Variants in STOX2 observed in about 807,000 individuals in gnomAD.
STOX2 encodes storkhead-box protein 2.
In STOX2, 28 loss-of-function variants were observed where a neutral mutation model predicts 60.9. The observed-to-expected ratio is 0.46, with a 90% CI of 0.34 to 0.63. The LOEUF (loss-of-function observed/expected upper bound fraction) is 0.63, where lower values mean the gene tolerates loss of function less well. Among genes scored for constraint, STOX2 ranks in the 30% least tolerant of loss-of-function variants. The pLI, the probability that STOX2 is intolerant of heterozygous loss-of-function variation, is 0.01. For synonymous variants in STOX2, 472 were observed against 463.9 expected, an observed-to-expected ratio of 1.02 and a Z score of -0.22; for missense variants, 1,024 against 1,187.7, an observed-to-expected ratio of 0.86 and a Z score of 2.03.
chr4:183,923,558 G>C (rs1461069563), intron 1 of STOX2, among the ~76,000 whole-genome samples: 1 of 152,200 alleles, frequency 6.6e-6, no homozygotes, highest in East Asian at 1.9e-4. Flanking sequence ...CTGGTTTCTT[G>C]TGCTTGTATT....
intron 1 of STOX2, among the ~76,000 whole-genome samples, chr4:183,858,903 G>T: frequency 6.6e-6 from 1 of 151,944 alleles, no homozygotes; most frequent in East Asian, 1.9e-4. Context: ...TCATCTCTAC[G>T]TCATTTCAGT....
chr4:183,901,186 C>G (rs1049404810), upstream of STOX2, among the ~76,000 whole-genome samples: 4 of 152,200 alleles, frequency 2.6e-5, no homozygotes, highest in African/African-American at 4.8e-5. Context: ...TGACTGACTT[C>G]TTTCACTTAG....
At chr4:183,940,606 G>C (rs1408432099) in intron 1 of STOX2, among the ~76,000 whole-genome samples, 1 of 152,020 alleles carries the variant, frequency 6.6e-6, no homozygotes, top group East Asian at 1.9e-4. Context: ...AACACAGCAC[G>C]GTCTAATTTG....
At chr4:183,983,371 G>A (rs1262444438) in intron 1 of STOX2, among the ~76,000 whole-genome samples, 1 of 152,152 alleles carries the variant, frequency 6.6e-6, no homozygotes, top group East Asian at 1.9e-4. Flanking sequence ...ATATAGGAGC[G>A]GTACTCATTC....
intron 1 of STOX2, among the ~76,000 whole-genome samples, chr4:183,942,793 C>CT (rs1364378223): frequency 1.3e-5 from 2 of 151,978 alleles, no homozygotes; most frequent in Non-Finnish European, 2.9e-5. Flanking sequence ...ATATCATGTG[C>CT]TTTAAAAAAA....
Position 183,806,805 on chromosome 4 carries a change from T to A in STOX2, c.364+8750T>A, listed in dbSNP as rs544226708. Among the ~76,000 whole-genome samples, 2 of 152,130 alleles carry A rather than the reference T, an allele frequency of 1.3e-5. No homozygotes were observed. The highest frequency in any genetic ancestry group is 4.2e-4 in the South Asian group (2 of 4,814). ...GTCCAAATTTTGAGGAAACAAACAT[T>A]TATGTGTTCGTGTTCAGGACGGTAG... On this transcript the variant is annotated intron_variant, in intron 1 of 2. Transcript: ENST00000513034. This position sits in a 1 kb window ranked among gnomAD's most constrained non-coding sequence, Gnocchi z 4.1.
At chr4:183,810,176 G>A (rs1417031891) in intron 1 of STOX2, among the ~76,000 whole-genome samples, 1 of 152,210 alleles carries the variant, frequency 6.6e-6, no homozygotes, top group South Asian at 2.1e-4. Context: ...TGGGGACAGA[G>A]GTAAGTGTAG....
At chr4:183,927,045 C>T (rs1179475842) in intron 1 of STOX2, among the ~76,000 whole-genome samples, 1 of 152,212 alleles carries the variant, frequency 6.6e-6, no homozygotes, top group Admixed American at 6.5e-5. Context: ...TGGCAGCGTT[C>T]GGGAGGATCA....
At chr4:183,975,411 G>A (rs1228845940) in intron 1 of STOX2, among the ~76,000 whole-genome samples, 1 of 152,068 alleles carries the variant, frequency 6.6e-6, no homozygotes, top group East Asian at 1.9e-4. Flanking sequence ...GGTTTTTTAA[G>A]TATATCAAGA....
intron 1 of STOX2, among the ~76,000 whole-genome samples, chr4:183,915,056 G>A (rs1741890791): frequency 6.6e-6 from 1 of 152,194 alleles, no homozygotes; most frequent in Non-Finnish European, 1.5e-5. Context: ...TACGGCTTAG[G>A]TAACTCATAC....
At chr4:184,003,948 A>ATTT (rs34806465) in intron 2 of STOX2, among the ~76,000 whole-genome samples, 3 of 147,602 alleles carry the variant, frequency 2.0e-5, no homozygotes, top group Non-Finnish European at 3.0e-5. Flanking sequence ...CCTTCCTTTG[A>ATTT]TTTTTTTTTT....
At chr4:183,981,464 C>T (rs574362168) in intron 1 of STOX2, among the ~76,000 whole-genome samples, 1 of 151,536 alleles carries the variant, frequency 6.6e-6, no homozygotes, top group East Asian at 1.9e-4. Context: ...TTAACCCAGT[C>T]GGTTGGAAAT....
intron 1 of STOX2, among the ~76,000 whole-genome samples, chr4:183,913,630 G>A (rs1227392877): frequency 6.6e-6 from 1 of 152,064 alleles, no homozygotes; most frequent in African/African-American, 2.4e-5. Flanking sequence ...AATTAGCTGG[G>A]CATGGTGGCG....
At chr4:183,971,452 T>A (rs1230381480) in intron 1 of STOX2, among the ~76,000 whole-genome samples, 2 of 152,188 alleles carry the variant, frequency 1.3e-5, no homozygotes, top group East Asian at 3.8e-4. Flanking sequence ...ACAAAGCTCA[T>A]TAGTACCTCT....
At chr4:183,987,026 T>C (rs1473829247) in intron 1 of STOX2, among the ~76,000 whole-genome samples, 1 of 152,038 alleles carries the variant, frequency 6.6e-6, no homozygotes, top group Non-Finnish European at 1.5e-5. Context: ...TGCTGCAGAA[T>C]CGTCTGCCAC....
chr4:183,933,306 G>A (rs905489145), intron 1 of STOX2, among the ~76,000 whole-genome samples: 2 of 152,176 alleles, frequency 1.3e-5, no homozygotes, highest in Non-Finnish European at 2.9e-5. Flanking sequence ...AATTGGGAAT[G>A]GCTTTTCCTA....
intron 1 of STOX2, among the ~76,000 whole-genome samples, chr4:183,976,469 G>A (rs868178690): frequency 2.0e-5 from 3 of 148,762 alleles, no homozygotes; most frequent in African/African-American, 7.4e-5. Context: ...ATCTATGTAG[G>A]ATTAAAAGGA....
chr4:183,855,399 T>C (rs1740262714), intron 1 of STOX2, among the ~76,000 whole-genome samples: 1 of 152,224 alleles, frequency 6.6e-6, no homozygotes, highest in Non-Finnish European at 1.5e-5. Context: ...CTTTCTGGAC[T>C]CTTGGGTCCT....
chr4:183,970,952 T>C (rs1388914978), intron 1 of STOX2, among the ~76,000 whole-genome samples: 1 of 152,234 alleles, frequency 6.6e-6, no homozygotes, highest in African/African-American at 2.4e-5. Flanking sequence ...ATATATGATA[T>C]GAACATTGCC....
Sources: gnomAD v4.1 joint callset for allele counts (sites outside exome capture counted in the v4.1 genomes callset) on GRCh38, gnomAD v4.1.1 for gene constraint, Gnocchi (gnomAD v3.1) non-coding constraint, MANE v1.5 for transcripts, NCBI Gene and HGNC (gene_info 2026-07-23, HGNC 2026-07-21) for gene names.